Variants in BTBD8 observed in about 807,000 individuals in gnomAD.
BTBD8 encodes BTB/POZ domain-containing protein 8.
Under a neutral mutation model 162.9 loss-of-function variants are expected in BTBD8, and 110 were observed. That is an observed-to-expected ratio of 0.68 (90% CI 0.58 to 0.79). The LOEUF (loss-of-function observed/expected upper bound fraction) is 0.79, where lower values mean the gene tolerates loss of function less well. Ranked by LOEUF, BTBD8 falls within the 30% of genes least tolerant of loss-of-function variation. The probability of loss-of-function intolerance (pLI) is 0.00; values close to 1 mark genes in which losing one functional copy is unlikely to be tolerated. For missense variants in BTBD8, 1,905 were observed against 2,085.4 expected (o/e 0.91, Z 1.68); for synonymous variants, 667 against 716.1 (o/e 0.93, Z 1.10).
At chr1:92,082,239 CAAAAT>C (rs1648038310) in intron 1 of BTBD8, among the ~76,000 whole-genome samples, 1 of 151,874 alleles carries the variant, frequency 6.6e-6, no homozygotes, top group Non-Finnish European at 1.5e-5. Context: ...CAAAACAAAA[CAAAAT>C]GCTCACCCAA....
At chr1:92,107,253 AG>A (rs1648757886) in intron 3 of BTBD8, among the ~76,000 whole-genome samples, 1 of 152,094 alleles carries the variant, frequency 6.6e-6, no homozygotes, top group South Asian at 2.1e-4. Context: ...GCTCATAAAG[AG>A]GCTTCATTTT....
At chr1:92,164,324 A>G (rs1032667496) in intron 9 of BTBD8, among the ~76,000 whole-genome samples, 2 of 151,928 alleles carry the variant, frequency 1.3e-5, no homozygotes, top group Non-Finnish European at 2.9e-5. Flanking sequence ...CCATCCCTAC[A>G]AAATTTTTTA....
At chr1:92,094,003 C>G (rs1424186949) in intron 2 of BTBD8, among the ~76,000 whole-genome samples, 2 of 152,076 alleles carry the variant, frequency 1.3e-5, no homozygotes, top group African/African-American at 4.8e-5. Flanking sequence ...TGAATTAGAC[C>G]CAGTATGGGA....
chr1:92,103,266 T>C (rs1648645785), intron 3 of BTBD8, among the ~76,000 whole-genome samples: 1 of 152,246 alleles, frequency 6.6e-6, no homozygotes, highest in Non-Finnish European at 1.5e-5. Flanking sequence ...ATCTTATTAC[T>C]GGTGTGTAAA....
intron 4 of BTBD8, among the ~76,000 whole-genome samples, chr1:92,110,718 A>G (rs1293762164): frequency 6.6e-6 from 1 of 151,508 alleles, no homozygotes; most frequent in African/African-American, 2.4e-5. Context: ...AATTTTTTGT[A>G]TTTTTTAGTA....
chr1:92,123,339 G>A (rs188515868), intron 4 of BTBD8, among the ~76,000 whole-genome samples: 15 of 152,240 alleles, frequency 9.9e-5, no homozygotes, highest in South Asian at 8.3e-4. Context: ...GGGGTCCTTT[G>A]CATTTTCGTA....
intron 12 of BTBD8, among the ~76,000 whole-genome samples, chr1:92,170,058 T>C (rs1397040392): frequency 1.3e-5 from 2 of 152,180 alleles, no homozygotes; most frequent in African/African-American, 4.8e-5. Context: ...AGTAGGTGTC[T>C]TCAGCTCTCT....
intron 1 of BTBD8, 42 bp downstream of exon 1, chr1:92,080,762 C>G: frequency 6.4e-7 from 1 of 1,568,780 alleles, no homozygotes; most frequent in Non-Finnish European, 8.6e-7. Flanking sequence ...GTTCCTAAAT[C>G]GCCCACCTCC....
intron 9 of BTBD8, among the ~76,000 whole-genome samples, chr1:92,157,430 G>T (rs1257254027): frequency 2.0e-5 from 3 of 152,066 alleles, no homozygotes; most frequent in African/African-American, 7.2e-5. Context: ...GGTCCATTTG[G>T]TGTATAGTGT....
intron 9 of BTBD8, among the ~76,000 whole-genome samples, chr1:92,151,035 C>G (rs1650031349): frequency 1.3e-5 from 2 of 152,046 alleles, no homozygotes; most frequent in Admixed American, 1.3e-4. Flanking sequence ...TGTAAGATAT[C>G]AGCTGGTGAG....
chr1:92,180,151 C>T, intron 16 of BTBD8, 114 bp from the exon 17 acceptor site: 1 of 720,458 alleles, frequency 1.4e-6, no homozygotes, highest in African/African-American at 1.8e-5. Flanking sequence ...GTTACCCTTC[C>T]ATTGTGTTCT....
At chr1:92,131,618 G>A (rs1649517492) in intron 5 of BTBD8, among the ~76,000 whole-genome samples, 1 of 151,898 alleles carries the variant, frequency 6.6e-6, no homozygotes, top group African/African-American at 2.4e-5. Context: ...CAGCTACTCA[G>A]GAGGCTGAGG....
intron 1 of BTBD8, among the ~76,000 whole-genome samples, chr1:92,082,933 A>C (rs1648058968): frequency 6.6e-6 from 1 of 152,182 alleles, no homozygotes; most frequent in Admixed American, 6.5e-5. Flanking sequence ...TTCTCTCATG[A>C]ATCCTGTGAG....
rs952347186 is a variant in BTBD8 at position 92,182,081 on chromosome 1, T to C, written c.4398T>C (p.Phe1466=). 3.2e-6 allele frequency: 5 copies of C among 1,551,444 alleles called. No homozygotes were observed. The highest frequency in any genetic ancestry group is 1.4e-5 in the African/African-American group (1 of 72,998). The part of the protein sequence containing the change: ...HTPFQASVDS[F]SPSDVFDGIS... The stretch of plus-strand genomic sequence containing the variant: ...CCTTTCAGGCTTCTGTAGATTCTTT[T>C]TCACCTTCTGATGTTTTTGATGGCA... The change falls in exon 17 of 18, where the codon TTT becomes TTC. Residue 1466 remains phenylalanine (F), a synonymous_variant. Transcript: ENST00000636805.
intron 3 of BTBD8, among the ~76,000 whole-genome samples, chr1:92,104,775 C>T (rs1421774615): frequency 2.0e-5 from 3 of 152,124 alleles, no homozygotes; most frequent in South Asian, 2.1e-4. Flanking sequence ...CTTCTGTTTT[C>T]TGTGACACCA....
chr1:92,111,010 A>G (rs1190935136), intron 4 of BTBD8, among the ~76,000 whole-genome samples: 1 of 146,264 alleles, frequency 6.8e-6, no homozygotes, highest in East Asian at 2.0e-4. Context: ...TTTTTTTCCT[A>G]AGACAAAGTC....
chr1:92,166,380 A>G (rs1414765435), intron 9 of BTBD8, among the ~76,000 whole-genome samples: 1 of 150,230 alleles, frequency 6.7e-6, no homozygotes, highest in Non-Finnish European at 1.5e-5. Flanking sequence ...TCTAGTTATT[A>G]TCACTTTGCT....
At chr1:92,112,747 G>A (rs971595462) in intron 4 of BTBD8, among the ~76,000 whole-genome samples, 2 of 152,118 alleles carry the variant, frequency 1.3e-5, no homozygotes, top group Non-Finnish European at 2.9e-5. Flanking sequence ...CTTTTACAAA[G>A]TTATGTTCTC....
rs192062093 is a variant in BTBD8 at position 92,111,110 on chromosome 1, C to T, written c.662+3109C>T. Among the ~76,000 whole-genome samples, 497 of 151,810 alleles carry T rather than the reference C, an allele frequency of 3.3e-3. 2 individuals carry two copies. Among genetic ancestry groups the T allele is most frequent in the Middle Eastern group, 6.8e-3 (2 of 294 alleles). ...GGGTTCAAGGGATTCTCACGTCTCA[C>T]CCTCCCGAGTAGCTGGGTTTACAGG... On this transcript the variant is annotated intron_variant, in intron 4 of 17. Coordinates refer to ENST00000636805, the MANE Select transcript of BTBD8 (RefSeq NM_001376131.1).
Sources: allele counts gnomAD v4.1 joint callset (sites outside exome capture counted in the v4.1 genomes callset), GRCh38; gene constraint gnomAD v4.1.1; transcripts MANE v1.5; gene names NCBI Gene and HGNC (gene_info 2026-07-23, HGNC 2026-07-21).